DPP10: variants seen among roughly 807,000 people sequenced by gnomAD.
DPP10 encodes the protein dipeptidyl peptidase like 10.
In DPP10, 33 loss-of-function variants were observed where a neutral mutation model predicts 120.9. That is an observed-to-expected ratio of 0.27 (90% CI 0.21 to 0.37). The LOEUF (loss-of-function observed/expected upper bound fraction) is 0.37. DPP10 is among the 10% of genes least tolerant of loss of function. The pLI is 1.00. For synonymous variants in DPP10, 337 were observed against 326.1 expected (o/e 1.03, Z -0.36); for missense variants, 816 against 942.8 (o/e 0.87, Z 1.76).
intron 3 of DPP10, among the ~76,000 whole-genome samples, chr2:115,456,796 C>T (rs566852035): frequency 6.6e-6 from 1 of 152,068 alleles, no homozygotes; most frequent in South Asian, 2.1e-4. Flanking sequence ...GAACATCATA[C>T]ACCGGGACCT....
intron 5 of DPP10, among the ~76,000 whole-genome samples, chr2:115,581,059 C>G (rs1224671886): frequency 6.6e-6 from 1 of 152,088 alleles, no homozygotes; most frequent in Non-Finnish European, 1.5e-5. Context: ...CCTGTAGGGC[C>G]TAAATTCTCC....
chr2:115,565,768 T>TC (rs2080967764), intron 5 of DPP10, among the ~76,000 whole-genome samples: 1 of 73,750 alleles, frequency 1.4e-5, no homozygotes, highest in South Asian at 5.0e-4. Flanking sequence ...TTGTTTGTTT[T>TC]GTTTTTTTTT....
intron 1 of DPP10, chr2:115,161,925 G>A (rs953183852): frequency 1.0e-5 from 15 of 1,440,266 alleles, no homozygotes; most frequent in Admixed American, 2.7e-5. Context: ...AAGCGCCCGC[G>A]AGGAAGCGAG....
chr2:115,179,105 A>C (rs2053901650), intron 1 of DPP10, among the ~76,000 whole-genome samples: 1 of 152,220 alleles, frequency 6.6e-6, no homozygotes, highest in Non-Finnish European at 1.5e-5. Context: ...TAATAAGTTG[A>C]AAATAATGAA....
chr2:114,450,492 T>C (rs1678201893), intron 1 of DPP10, among the ~76,000 whole-genome samples: 1 of 152,088 alleles, frequency 6.6e-6, no homozygotes, highest in Non-Finnish European at 1.5e-5. Flanking sequence ...GGAGCTCAAT[T>C]AATATTGTTT....
At chr2:115,501,320 C>A (rs1478122825) in intron 4 of DPP10, among the ~76,000 whole-genome samples, 1 of 151,904 alleles carries the variant, frequency 6.6e-6, no homozygotes, top group East Asian at 1.9e-4. Context: ...AAAAAGAAAC[C>A]AAAACAAACA....
intron 2 of DPP10, among the ~76,000 whole-genome samples, chr2:115,313,852 G>A (rs1213256183): frequency 6.6e-6 from 1 of 152,070 alleles, no homozygotes; most frequent in Non-Finnish European, 1.5e-5. Flanking sequence ...TAATTACAGG[G>A]TGGACTTATT....
chr2:115,374,359 G>A (rs13028629), intron 3 of DPP10, among the ~76,000 whole-genome samples: 62,188 of 152,010 alleles, frequency 0.41, 15,540 homozygotes, highest in Non-Finnish European at 0.56. Context: ...CAAGAAGTGG[G>A]CTCCCAACAT....
chr2:114,445,532 CTCTGTGTG>C (rs1288815199), intron 1 of DPP10, among the ~76,000 whole-genome samples: 3 of 116,034 alleles, frequency 2.6e-5, no homozygotes, highest in Non-Finnish European at 5.4e-5. Flanking sequence ...GGAAAAACAG[CTCTGTGTG>C]TGTGTGTGTG....
At chr2:114,900,002 T>C (rs1183799531) in intron 1 of DPP10, among the ~76,000 whole-genome samples, 1 of 152,184 alleles carries the variant, frequency 6.6e-6, no homozygotes, top group Non-Finnish European at 1.5e-5. Context: ...TGTTAATTTA[T>C]GTAGCTGTAG....
chr2:114,685,825 C>A (rs1386800952), intron 1 of DPP10, among the ~76,000 whole-genome samples: 2 of 151,936 alleles, frequency 1.3e-5, no homozygotes, highest in Non-Finnish European at 2.9e-5. Context: ...TCCGTGTGAT[C>A]ACAGAAGTTT....
intron 1 of DPP10, among the ~76,000 whole-genome samples, chr2:114,861,804 AG>A (rs2106529914): frequency 6.6e-6 from 1 of 152,274 alleles, no homozygotes; most frequent in African/African-American, 2.4e-5. Context: ...AAAATAGCAA[AG>A]TAACATTGGG....
chr2:115,286,511 A>G (rs1181130828), intron 1 of DPP10, among the ~76,000 whole-genome samples: 1 of 30,862 alleles, frequency 3.2e-5, no homozygotes, highest in Non-Finnish European at 8.2e-5. Context: ...TATTACATAT[A>G]TAATATATAT....
intron 1 of DPP10, among the ~76,000 whole-genome samples, chr2:115,139,616 C>CTGAG (rs750031596): frequency 4.1e-5 from 6 of 147,096 alleles, no homozygotes; most frequent in Middle Eastern, 3.6e-3. Context: ...AGGGAGGGAA[C>CTGAG]TGAGTTTCTA....
intron 4 of DPP10, among the ~76,000 whole-genome samples, chr2:115,502,567 A>G (rs12990032): frequency 0.21 from 32,306 of 152,182 alleles, 3,947 homozygotes; most frequent in East Asian, 0.39. Flanking sequence ...ATCACCAGTG[A>G]CCACGGCTGA....
intron 1 of DPP10, among the ~76,000 whole-genome samples, chr2:114,854,776 A>G (rs2106502979): frequency 6.6e-6 from 1 of 152,280 alleles, no homozygotes; most frequent in African/African-American, 2.4e-5. Flanking sequence ...TGGCACTTTC[A>G]TTTCTTTTAT....
intron 4 of DPP10, among the ~76,000 whole-genome samples, chr2:115,513,308 A>G (rs1422609167): frequency 1.3e-5 from 2 of 151,892 alleles, no homozygotes; most frequent in South Asian, 2.1e-4. Flanking sequence ...GCATATAATT[A>G]TTTTAAAAAA....
chr2:115,278,015 G>A (rs1431105818), intron 1 of DPP10, among the ~76,000 whole-genome samples: 1 of 152,148 alleles, frequency 6.6e-6, no homozygotes, highest in Non-Finnish European at 1.5e-5. Context: ...TCAGTGCTGT[G>A]CAGTTTGATA....
chr2:114,824,611 T>G (rs1686367995), intron 1 of DPP10, among the ~76,000 whole-genome samples: 1 of 138,896 alleles, frequency 7.2e-6, no homozygotes, highest in African/African-American at 3.0e-5. Flanking sequence ...TCCATGTTAG[T>G]TTTTTTTTTT....
Sources: allele counts gnomAD v4.1 joint callset (sites outside exome capture counted in the v4.1 genomes callset), GRCh38; gene constraint gnomAD v4.1.1; transcripts MANE v1.5; gene names NCBI Gene and HGNC (gene_info 2026-07-23, HGNC 2026-07-21).